Variants in FRMD4B observed in about 807,000 individuals in gnomAD.
FRMD4B encodes FERM domain-containing protein 4B.
Under a neutral mutation model 141.5 loss-of-function variants are expected in FRMD4B, and 74 were observed. The observed-to-expected ratio is 0.52, with a 90% CI of 0.43 to 0.63. The LOEUF is 0.63. FRMD4B is among the 30% of genes least tolerant of loss of function. The pLI is 0.00. For synonymous variants in FRMD4B, 506 were observed against 467.9 expected, an observed-to-expected ratio of 1.08 and a Z score of -1.05; for missense variants, 1,366 against 1,253.4, an observed-to-expected ratio of 1.09 and a Z score of -1.36.
intron 5 of FRMD4B, among the ~76,000 whole-genome samples, chr3:69,258,761 A>C (rs1039852630): frequency 1.3e-5 from 2 of 152,144 alleles, no homozygotes; most frequent in Admixed American, 1.3e-4. Context: ...CTCCTTTGAC[A>C]TGCCCTTCTC....
intron 2 of FRMD4B, among the ~76,000 whole-genome samples, chr3:69,391,141 T>C (rs1704374172): frequency 6.6e-6 from 1 of 152,108 alleles, no homozygotes; most frequent in South Asian, 2.1e-4. Context: ...CACTTACAAT[T>C]TTTGGATACT....
chr3:69,249,999 A>AC, intron 6 of FRMD4B, 44 bp downstream of exon 6: 1 of 1,337,992 alleles, frequency 7.5e-7, no homozygotes. Flanking sequence ...ACAAAAACGA[A>AC]CAAACACAAG....
intron 7 of FRMD4B, among the ~76,000 whole-genome samples, chr3:69,245,583 G>C (rs1006918354): frequency 1.3e-5 from 2 of 152,006 alleles, no homozygotes; most frequent in Admixed American, 6.6e-5. Flanking sequence ...CTGGCCTCGA[G>C]TGATCCGCCT....
In FRMD4B at chr3:69,255,143, T is replaced by C. The variant is rs565316929; in HGVS notation, c.502-5044A>G. ...TGTTAAATTTTCTGAATGTGATCAT[T>C]ATAATTAGGTCATATATGGGATGTC... On this transcript the variant is annotated intron_variant, in intron 5 of 22. Coordinates refer to ENST00000398540, the MANE Select transcript of FRMD4B (RefSeq NM_015123.3). 2.6e-3 allele frequency among the ~76,000 whole-genome samples: 397 copies of C among 152,298 alleles called. 1 individual carries two copies. The highest frequency in any genetic ancestry group is 9.2e-3 in the African/African-American group (384 of 41,568).
intron 5 of FRMD4B, among the ~76,000 whole-genome samples, chr3:69,262,450 C>G (rs1300540805): frequency 7.1e-6 from 1 of 141,656 alleles, no homozygotes; most frequent in Non-Finnish European, 1.5e-5. Flanking sequence ...CTGCAAGGTA[C>G]ACAAATGACT....
intron 4 of FRMD4B, among the ~76,000 whole-genome samples, chr3:69,296,827 T>A (rs189438308): frequency 6.6e-6 from 1 of 152,266 alleles, no homozygotes; most frequent in East Asian, 1.9e-4. Flanking sequence ...CACAACTGCA[T>A]TAAAAAAATT....
chr3:69,402,130 C>G (rs968555614), intron 2 of FRMD4B, among the ~76,000 whole-genome samples: 1 of 152,074 alleles, frequency 6.6e-6, no homozygotes, highest in African/African-American at 2.4e-5. Flanking sequence ...ATCCGTTCTA[C>G]CCAAAAGGAC....
chr3:69,260,314 G>C (rs1872151), intron 5 of FRMD4B, among the ~76,000 whole-genome samples: 152,319 of 152,350 alleles, frequency 1, 76,144 homozygotes, highest in Middle Eastern at 1. Flanking sequence ...TTCGCGAGTT[G>C]GCGAGTCAGC....
At chr3:69,463,771 G>A (rs1028379894) in intron 1 of FRMD4B, among the ~76,000 whole-genome samples, 2 of 152,140 alleles carry the variant, frequency 1.3e-5, no homozygotes, top group Non-Finnish European at 2.9e-5. Context: ...AAATCCATAA[G>A]CAAACTTTGG....
intron 10 of FRMD4B, 97 bp from the exon 11 acceptor site, chr3:69,216,446 T>C: frequency 1.5e-6 from 1 of 655,240 alleles, no homozygotes; most frequent in Non-Finnish European, 2.7e-6. Context: ...TTTTTTTTTT[T>C]TTTTGAGACG....
chr3:69,365,332 T>C (rs1703606641), intron 1 of FRMD4B, among the ~76,000 whole-genome samples: 1 of 152,174 alleles, frequency 6.6e-6, no homozygotes, highest in South Asian at 2.1e-4. Flanking sequence ...AGTATCATGG[T>C]CCTTAAGAAA....
intron 1 of FRMD4B, among the ~76,000 whole-genome samples, chr3:69,350,206 AAT>A (rs1477274947): frequency 6.6e-6 from 1 of 152,242 alleles, no homozygotes; most frequent in East Asian, 1.9e-4. Flanking sequence ...TTATGCAACC[AAT>A]AGACACATGA....
intron 1 of FRMD4B, among the ~76,000 whole-genome samples, chr3:69,459,986 C>T (rs910223681): frequency 1.3e-5 from 2 of 152,192 alleles, no homozygotes; most frequent in African/African-American, 4.8e-5. Flanking sequence ...ATGCCCAGTG[C>T]CTGGCATTGT....
At chr3:69,325,105 G>GAAAC in intron 1 of FRMD4B, among the ~76,000 whole-genome samples, 1 of 151,100 alleles carries the variant, frequency 6.6e-6, no homozygotes, top group Non-Finnish European at 1.5e-5. Flanking sequence ...AAGAAAGAAA[G>GAAAC]AAAGAAAGAA....
At chr3:69,373,611 G>T (rs940657638) in intron 1 of FRMD4B, among the ~76,000 whole-genome samples, 1 of 152,172 alleles carries the variant, frequency 6.6e-6, no homozygotes, top group African/African-American at 2.4e-5. Flanking sequence ...GGTGGCTCAT[G>T]CCTGTAATCC....
chr3:69,402,515 T>C (rs1311959698), intron 2 of FRMD4B, among the ~76,000 whole-genome samples: 1 of 152,216 alleles, frequency 6.6e-6, no homozygotes, highest in Non-Finnish European at 1.5e-5. Flanking sequence ...TCTTTAATGA[T>C]ATACTTTACA....
rs769293943 is a variant in FRMD4B, at chr3:69,287,622, T to A, written c.501+130A>T. 17 of 653,908 alleles carry A rather than the reference T, an allele frequency of 2.6e-5. No homozygotes were observed. The African/African-American group carries it at 2.8e-4, about 11-fold the overall frequency. The allele number at this position is 653,908 out of a possible 1,614,324, so 40.5% of individuals were successfully genotyped here. A position where few individuals can be genotyped will look rare whatever the true frequency, so the allele number is the denominator to read the frequency against. ...ATGTGTGTAGTTGGGGGGTAGGACA[T>A]ATTCATGGAAAAGATTGTGGCCTTT... On this transcript the variant is annotated intron_variant, in intron 5 of 22. Transcript: ENST00000398540.
chr3:69,404,732 G>A (rs1704622210), intron 2 of FRMD4B, among the ~76,000 whole-genome samples: 1 of 152,126 alleles, frequency 6.6e-6, no homozygotes, highest in African/African-American at 2.4e-5. Flanking sequence ...GTTCATGTGA[G>A]CAGCTTGGAA....
At chr3:69,213,505 A>T (rs559501869) in intron 11 of FRMD4B, among the ~76,000 whole-genome samples, 3 of 152,272 alleles carry the variant, frequency 2.0e-5, no homozygotes, top group East Asian at 3.9e-4. Flanking sequence ...AAGCAGGAAC[A>T]ATAGTACTTA....
Sources: allele counts gnomAD v4.1 joint callset (sites outside exome capture counted in the v4.1 genomes callset), GRCh38; gene constraint gnomAD v4.1.1; transcripts MANE v1.5; gene names NCBI Gene and HGNC (gene_info 2026-07-23, HGNC 2026-07-21).